DDX49: variants seen among roughly 807,000 people sequenced by gnomAD.
The protein encoded by DDX49 is DEAD-box helicase 49.
In DDX49, 50 loss-of-function variants were observed where a neutral mutation model predicts 56.3. That is an observed-to-expected ratio of 0.89 (90% CI 0.71 to 1.12). The LOEUF (loss-of-function observed/expected upper bound fraction) is 1.12, where lower values mean the gene tolerates loss of function less well. DDX49 is among the 50% of genes most tolerant of loss of function. The probability of loss-of-function intolerance (pLI) is 0.00; values close to 1 mark genes in which losing one functional copy is unlikely to be tolerated. For synonymous variants in DDX49, 269 were observed against 270.6 expected (o/e 0.99, Z 0.06); for missense variants, 614 against 650.5 (o/e 0.94, Z 0.61).
intron 5 of DDX49, 32 bp from the exon 6 acceptor site, chr19:18,922,572 T>G: frequency 1.9e-6 from 3 of 1,602,008 alleles, no homozygotes; most frequent in Non-Finnish European, 2.6e-6. Context: ...ACAGGGACAC[T>G]GAGGCGTGGC....
At chr19:18,922,065 T>C in intron 4 of DDX49, 101 bp downstream of exon 4, 1 of 1,468,558 alleles carries the variant, frequency 6.8e-7, no homozygotes, top group Non-Finnish European at 9.1e-7. Context: ...AGGAAACGTA[T>C]GTCCGTTAGA....
intron 7 of DDX49, 122 bp downstream of exon 7, chr19:18,924,430 G>C: frequency 1.8e-6 from 2 of 1,130,212 alleles, no homozygotes; most frequent in East Asian, 2.5e-5. Flanking sequence ...TCTGGTCCCA[G>C]AATATCGCAG....
intron 9 of DDX49, 148 bp from the exon 10 acceptor site, chr19:18,926,155 C>A: frequency 1.3e-6 from 1 of 795,298 alleles, no homozygotes; most frequent in Non-Finnish European, 2.0e-6. Context: ...TGGGGTCAAG[C>A]CCAGACACTC....
chr19:18,926,039 C>T (rs2056957917), intron 9 of DDX49, among the ~76,000 whole-genome samples: 1 of 152,212 alleles, frequency 6.6e-6, no homozygotes, highest in South Asian at 2.1e-4. Flanking sequence ...GGTTCCCTGG[C>T]AGCCAAGCCA....
In DDX49 at chr19:18,922,339, C is replaced by T. The variant is rs374840089; in HGVS notation, c.461C>T (p.Ala154Val). ...TTGGCACGGCAGGTGATGGATGAGG[C>T]AGACCGGCTGCTGGAACAGGGCTGC... is the stretch of plus-strand genomic sequence containing the variant. ...KKIRFLVMDEADRLLEQGCTD... is the reference protein window; with the variant it reads ...KKIRFLVMDEVDRLLEQGCTD... The change falls in exon 5 of 13, where the codon GCA becomes GTA. Residue 154 changes from alanine (A) to valine (V), a missense_variant. By Grantham distance (64) the Ala-to-Val change is moderately conservative. Transcript: ENST00000247003. 151 of 1,611,002 alleles carry T rather than the reference C, an allele frequency of 9.4e-5. No homozygotes were observed. The highest frequency in any genetic ancestry group is 1.2e-4 in the Non-Finnish European group (140 of 1,179,476).
intron 10 of DDX49, 26 bp downstream of exon 10, chr19:18,926,403 G>GGGGGGGGGGA: frequency 3.7e-6 from 2 of 533,528 alleles, no homozygotes; most frequent in Non-Finnish European, 3.3e-6. Flanking sequence ...GTGGGTGGTA[G>GGGGGGGGGGA]AGAAGGAGGG....
intron 10 of DDX49, among the ~76,000 whole-genome samples, chr19:18,927,289 G>A (rs1434264455): frequency 2.0e-5 from 3 of 151,976 alleles, no homozygotes; most frequent in Non-Finnish European, 4.4e-5. Flanking sequence ...AAGAGGCTGA[G>A]GTTGGAAGAT....
intron 6 of DDX49, among the ~76,000 whole-genome samples, 154 bp downstream of exon 6, chr19:18,922,898 A>G (rs2056931184): frequency 6.6e-6 from 1 of 152,174 alleles, no homozygotes. Flanking sequence ...AAGGTCCCTC[A>G]ATCTGAAGGT....
Position 18,928,000 on chromosome 19 carries a change from G to C in DDX49, c.1227G>C (p.Glu409Asp). Reference protein sequence around the residue: ...LEAAHFDEKKEINKRKQLILE... With the variant: ...LEAAHFDEKKDINKRKQLILE... Reference sequence around the variant, plus strand: ...CGGCCCACTTTGACGAAAAGAAGGAGATCAACAAACGGAAGCAGCTGATCC... The same window carrying C: ...CGGCCCACTTTGACGAAAAGAAGGACATCAACAAACGGAAGCAGCTGATCC... The change falls in exon 12 of 13, where the codon GAG becomes GAC. Residue 409 changes from glutamate to aspartate, a missense_variant. By Grantham distance (45) the Glu-to-Asp change is conservative (BLOSUM62 2). Coordinates refer to ENST00000247003, the MANE Select transcript of DDX49 (RefSeq NM_019070.5). 6.2e-7 allele frequency: 1 copy of C among 1,613,848 alleles called. No individual in the cohort carries two copies.
Position 18,921,837 on chromosome 19 carries a change from C to T in DDX49, c.326-6C>T. ...CCAGCCCTGCCTCTCATGCTCTGTC[C>T]CCCAGACATGGTGGCCCAGGCGCTG... On this transcript the variant is annotated splice_polypyrimidine_tract_variant and splice_region_variant and intron_variant, in intron 3 of 12. Coordinates refer to ENST00000247003, the MANE Select transcript of DDX49 (RefSeq NM_019070.5). 1 of 1,613,938 alleles carries T rather than the reference C, an allele frequency of 6.2e-7. No homozygotes were observed. The highest frequency in any genetic ancestry group is 8.5e-7 in the Non-Finnish European group (1 of 1,179,960).
chr19:18,928,199 G>A lies in DDX49; in HGVS notation c.1335G>A (p.Glu445=). 6.3e-7 allele frequency: 1 copy of A among 1,586,050 alleles called. No individual in the cohort carries two copies. The highest frequency in any genetic ancestry group is 8.6e-7 in the Non-Finnish European group (1 of 1,166,186). ...KIKQKNRRFK[E]KVEETLKRQK... is the part of the protein sequence containing the mutation. ...AGCAGAAGAACCGGCGCTTCAAGGAGAAGGTGGAGGAGACGCTGAAGCGAC... is the reference window on the plus strand; with the variant it reads ...AGCAGAAGAACCGGCGCTTCAAGGAAAAGGTGGAGGAGACGCTGAAGCGAC... Residue 445 remains glutamate, a synonymous_variant, in exon 13 of 13, where the codon GAG becomes GAA. Transcript: ENST00000247003.
chr19:18,920,711 C>T lies in DDX49; in HGVS notation c.239+8C>T. On this transcript the variant is annotated splice_region_variant and intron_variant, in intron 2 of 12. Coordinates refer to ENST00000247003, the MANE Select transcript of DDX49 (RefSeq NM_019070.5). ...CGTCCTGACACCCACCAGGTAAGCC[C>T]CCAGCAGGCCTCCTGGGTATGGGTT... The T allele has an allele frequency of 6.3e-7, 1 of 1,591,122 alleles. No homozygotes were observed. Among genetic ancestry groups the T allele is most frequent in the Non-Finnish European group, 8.6e-7 (1 of 1,161,260 alleles).
chr19:18,925,497 A>G (rs752156115), intron 9 of DDX49, among the ~76,000 whole-genome samples: 23 of 152,192 alleles, frequency 1.5e-4, no homozygotes, highest in Admixed American at 3.9e-4. Context: ...GGAGGTTGCA[A>G]TGAGTGGAGA....
intron 1 of DDX49, 62 bp downstream of exon 1, chr19:18,919,918 C>G: frequency 7.7e-7 from 1 of 1,300,888 alleles, no homozygotes; most frequent in Non-Finnish European, 1.1e-6. Context: ...CCTTTCCCTT[C>G]TCGCAACCTT....
At chr19:18,920,404 C>A (rs1005323068) in intron 1 of DDX49, among the ~76,000 whole-genome samples, 176 bp from the exon 2 acceptor site, 1 of 152,222 alleles carries the variant, frequency 6.6e-6, no homozygotes, top group African/African-American at 2.4e-5. Context: ...TCCCCAAATT[C>A]ACGTGCTCCT....
intron 2 of DDX49, among the ~76,000 whole-genome samples, chr19:18,921,395 C>T (rs1441806324): frequency 6.6e-6 from 1 of 152,030 alleles, no homozygotes; most frequent in African/African-American, 2.4e-5. Context: ...TGCTGAAAGG[C>T]GAACTGGGGG....
Position 18,924,936 on chromosome 19 carries a change from C to T in DDX49, c.984C>T (p.Leu328=), listed in dbSNP as rs1332952977. 1.9e-6 allele frequency: 3 copies of T among 1,612,752 alleles called. No homozygotes were observed. Among genetic ancestry groups the T allele is most frequent in the Non-Finnish European group, 2.5e-6 (3 of 1,180,006 alleles). ...TCATCAACCACAACACCCCCGGGCT[C>T]CCCAAGATCTACATCCACCGAGTCG... is the stretch of plus-strand genomic sequence containing the variant. ...QVVINHNTPG[L]PKIYIHRVGR... Residue 328 remains leucine (L), a synonymous_variant, in exon 9 of 13, where the codon CTC becomes CTT. Coordinates refer to ENST00000247003, the MANE Select transcript of DDX49 (RefSeq NM_019070.5).
chr19:18,922,280 G>T, intron 4 of DDX49, 46 bp from the exon 5 acceptor site: 1 of 1,584,572 alleles, frequency 6.3e-7, no homozygotes. Flanking sequence ...GCCAAGACCC[G>T]GGGCCATGGA....
intron 10 of DDX49, among the ~76,000 whole-genome samples, chr19:18,927,070 CAAAAAAA>C (rs35034273): frequency 2.7e-4 from 20 of 74,782 alleles, no homozygotes; most frequent in East Asian, 2.4e-3. Flanking sequence ...GACTCTGTCT[CAAAAAAA>C]AAAAAAAAAA....
Sources: gnomAD v4.1 joint callset for allele counts (sites outside exome capture counted in the v4.1 genomes callset) on GRCh38, gnomAD v4.1.1 for gene constraint, MANE v1.5 for transcripts, NCBI Gene and HGNC (gene_info 2026-07-23, HGNC 2026-07-21) for gene names.